PTPRG: variants seen among roughly 807,000 people sequenced by gnomAD.
PTPRG encodes the protein receptor-type tyrosine-protein phosphatase gamma.
A neutral mutation model predicts 165.3 loss-of-function variants in PTPRG; 102 were observed. That is an observed-to-expected ratio of 0.62 (90% confidence interval 0.53 to 0.73). The LOEUF (loss-of-function observed/expected upper bound fraction) is 0.73. PTPRG is among the 30% of genes least tolerant of loss of function. The pLI is 0.00. For missense variants in PTPRG, 1,866 were observed against 1,861.4 expected, an observed-to-expected ratio of 1.00 and a Z score of -0.05; for synonymous variants, 675 against 669.5, an observed-to-expected ratio of 1.01 and a Z score of -0.13.
intron 13 of PTPRG, 59 bp from the exon 14 acceptor site, chr3:62,231,166 G>C: frequency 7.6e-7 from 1 of 1,308,370 alleles, no homozygotes; most frequent in Non-Finnish European, 1.0e-6. Context: ...GCAACTCTTG[G>C]TGGCCAATTG....
At chr3:61,859,555 A>T (rs1182146771) in intron 2 of PTPRG, among the ~76,000 whole-genome samples, 1 of 151,250 alleles carries the variant, frequency 6.6e-6, no homozygotes, top group Non-Finnish European at 1.5e-5. Context: ...ATGAGCCCCC[A>T]GGACAATTGA....
intron 2 of PTPRG, among the ~76,000 whole-genome samples, chr3:61,875,594 A>T (rs1443067964): frequency 6.6e-6 from 1 of 152,092 alleles, no homozygotes; most frequent in Non-Finnish European, 1.5e-5. Context: ...TATCAGATGG[A>T]GGGCTGTCTG....
chr3:61,681,054 TAAA>T (rs61198100), intron 1 of PTPRG, among the ~76,000 whole-genome samples: 223 of 66,102 alleles, frequency 3.4e-3, no homozygotes, highest in African/African-American at 1.0e-2. Flanking sequence ...CTTTATGTTC[TAAA>T]AAAAAAAAAA....
At chr3:62,086,388 C>A (rs980729281) in intron 5 of PTPRG, among the ~76,000 whole-genome samples, 1 of 151,796 alleles carries the variant, frequency 6.6e-6, no homozygotes, top group African/African-American at 2.4e-5. Flanking sequence ...TACCAAATTC[C>A]CACCCTAACC....
chr3:61,980,030 T>C, intron 2 of PTPRG, among the ~76,000 whole-genome samples: 1 of 152,184 alleles, frequency 6.6e-6, no homozygotes, highest in East Asian at 1.9e-4. Flanking sequence ...TGGGAATTTT[T>C]CCCTTTTCCT....
chr3:62,074,065 C>T (rs577274196), intron 4 of PTPRG, among the ~76,000 whole-genome samples: 2 of 151,950 alleles, frequency 1.3e-5, no homozygotes, highest in Admixed American at 6.6e-5. Flanking sequence ...AATAATTATT[C>T]TGTGATTATG....
chr3:62,276,986 G>A lies in PTPRG; in HGVS notation c.3574G>A (p.Val1192Met), dbSNP rs1702252507. ...CCATATGATAGCTGAGCGTGCTCGAGTGGGTCTTGCACCATTGCCTGGAAT... is the reference window on the plus strand; with the variant it reads ...CCATATGATAGCTGAGCGTGCTCGAATGGGTCTTGCACCATTGCCTGGAAT... Reference protein sequence around the residue: ...SSVVPSERARVGLAPLPGMKG... With the variant: ...SSVVPSERARMGLAPLPGMKG... The change falls in exon 25 of 30, where the codon GTG (valine) becomes ATG (methionine). Residue 1192 changes from valine to methionine, a missense_variant. Physicochemically the swap from Val to Met is conservative, Grantham distance 21. Transcript: ENST00000474889. The A allele has an allele frequency of 1.2e-6, 2 of 1,612,948 alleles. No homozygotes were observed. Among genetic ancestry groups the A allele is most frequent in the African/African-American group, 1.3e-5 (1 of 74,858 alleles).
intron 2 of PTPRG, among the ~76,000 whole-genome samples, chr3:61,791,067 G>C (rs1043445658): frequency 6.6e-6 from 1 of 152,096 alleles, no homozygotes; most frequent in African/African-American, 2.4e-5. Flanking sequence ...AATGGTTGCC[G>C]TGTTGCTAAA....
chr3:61,684,237 G>T (rs1451237851), intron 1 of PTPRG, among the ~76,000 whole-genome samples: 1 of 152,120 alleles, frequency 6.6e-6, no homozygotes, highest in South Asian at 2.1e-4. Context: ...TGCTGGTGGT[G>T]ATGGTGGGGG....
chr3:61,831,466 T>TTTTTTG (rs1228825716), intron 2 of PTPRG, among the ~76,000 whole-genome samples: 5 of 152,186 alleles, frequency 3.3e-5, no homozygotes, highest in Admixed American at 1.3e-4. Flanking sequence ...TGACACCTGT[T>TTTTTTG]TTTTTGTTTT....
chr3:61,717,131 A>C (rs2031843822), intron 1 of PTPRG, among the ~76,000 whole-genome samples: 1 of 152,214 alleles, frequency 6.6e-6, no homozygotes, highest in Non-Finnish European at 1.5e-5. Flanking sequence ...CACGTGTTGT[A>C]AAAGATTTTT....
chr3:61,871,326 C>CAGGT (rs918763413), intron 2 of PTPRG, among the ~76,000 whole-genome samples: 1 of 152,090 alleles, frequency 6.6e-6, no homozygotes, highest in African/African-American at 2.4e-5. Context: ...CTCCTGGGCT[C>CAGGT]AGGTGTTCAT....
intron 4 of PTPRG, among the ~76,000 whole-genome samples, chr3:62,008,880 C>T (rs967094975): frequency 6.6e-6 from 1 of 152,210 alleles, no homozygotes; most frequent in African/African-American, 2.4e-5. Flanking sequence ...CCACCACTCA[C>T]CTCCTGCTGT....
At chr3:62,009,364 T>C (rs1042604245) in intron 4 of PTPRG, among the ~76,000 whole-genome samples, 1 of 152,170 alleles carries the variant, frequency 6.6e-6, no homozygotes, top group Admixed American at 6.6e-5. Context: ...TTCAGGATTG[T>C]CCAGCCAGAA....
At chr3:61,794,861 A>G (rs545044807) in intron 2 of PTPRG, among the ~76,000 whole-genome samples, 11 of 152,272 alleles carry the variant, frequency 7.2e-5, no homozygotes, top group Middle Eastern at 3.4e-3. Flanking sequence ...TTTATACTCT[A>G]TAACTTCTGG....
At chr3:62,128,620 G>T (rs1703401499) in intron 5 of PTPRG, among the ~76,000 whole-genome samples, 1 of 151,000 alleles carries the variant, frequency 6.6e-6, no homozygotes, top group African/African-American at 2.4e-5. Flanking sequence ...TAATCCTCAT[G>T]ACAACATTAT....
chr3:61,952,972 C>A (rs1206927195), intron 2 of PTPRG, among the ~76,000 whole-genome samples: 1 of 152,192 alleles, frequency 6.6e-6, no homozygotes, highest in African/African-American at 2.4e-5. Flanking sequence ...ATGTATCACT[C>A]CTGTGTCAGT....
At chr3:62,034,802 G>T (rs547423438) in intron 4 of PTPRG, among the ~76,000 whole-genome samples, 3 of 152,204 alleles carry the variant, frequency 2.0e-5, no homozygotes, top group African/African-American at 7.2e-5. Flanking sequence ...TGAGTTTTCT[G>T]TATCTTTCTC....
At chr3:61,592,177 G>T (rs1305834789) in intron 1 of PTPRG, among the ~76,000 whole-genome samples, 1 of 151,950 alleles carries the variant, frequency 6.6e-6, no homozygotes, top group Non-Finnish European at 1.5e-5. Context: ...ATGTTGGTCA[G>T]GGTGGTCTCG....
Sources: gnomAD v4.1 joint callset for allele counts (sites outside exome capture counted in the v4.1 genomes callset) on GRCh38, gnomAD v4.1.1 for gene constraint, MANE v1.5 for transcripts, NCBI Gene and HGNC (gene_info 2026-07-23, HGNC 2026-07-21) for gene names.